Variants in HERC1 observed in about 807,000 individuals in gnomAD.
HERC1 encodes the protein HECT and RLD domain containing E3 ubiquitin protein ligase family member 1.
Under a neutral mutation model 554.3 loss-of-function variants are expected in HERC1, and 160 were observed. That is an observed-to-expected ratio of 0.29 (90% CI 0.25 to 0.33). HERC1 has a LOEUF of 0.33. HERC1 is among the 10% of genes least tolerant of loss of function. The pLI is 1.00. For synonymous variants in HERC1, 2,175 were observed against 2,131.7 expected, an observed-to-expected ratio of 1.02 and a Z score of -0.56; for missense variants, 4,919 against 5,918.5, an observed-to-expected ratio of 0.83 and a Z score of 5.54.
At chr15:63,778,095 T>C (rs990102321) in intron 1 of HERC1, among the ~76,000 whole-genome samples, 5 of 152,178 alleles carry the variant, frequency 3.3e-5, no homozygotes, top group Non-Finnish European at 7.4e-5. Context: ...ACCACACCTG[T>C]AGCATAACTT....
chr15:63,680,177 G>T lies in HERC1; in HGVS notation c.6466-17C>A. On this transcript the variant is annotated splice_polypyrimidine_tract_variant and intron_variant, in intron 35 of 77. Transcript: ENST00000443617. This position sits in a 1 kb window ranked among gnomAD's most constrained non-coding sequence, Gnocchi z 5.8. The stretch of plus-strand genomic sequence containing the variant: ...TTTGGGTTCCTACAGTGTGGCAGCA[G>T]TGAGGAAAAGAAAAAGGAAATAGAA... The T allele has an allele frequency of 6.3e-7, 1 of 1,589,662 alleles. No individual in the cohort carries two copies. The highest frequency in any genetic ancestry group is 8.6e-7 in the Non-Finnish European group (1 of 1,162,012).
At chr15:63,723,764 C>A (rs1320002058) in intron 18 of HERC1, among the ~76,000 whole-genome samples, 1 of 152,056 alleles carries the variant, frequency 6.6e-6, no homozygotes, top group African/African-American at 2.4e-5. Flanking sequence ...ATTGAAAATG[C>A]GACTAGACCT....
chr15:63,768,938 T>C lies in HERC1; in HGVS notation c.931-4747A>G, dbSNP rs1406523937. ...TATTATTTTGCATTATGTATATATA[T>C]ATTGAGAAAGAAGAGAAAATACTGG... On this transcript the variant is annotated intron_variant, in intron 2 of 77. Transcript: ENST00000443617. Among the ~76,000 whole-genome samples, 3 of 152,194 alleles carry C rather than the reference T, an allele frequency of 2.0e-5. 1 individual carries two copies. Among genetic ancestry groups the C allele is most frequent in the South Asian group, 4.1e-4 (2 of 4,824 alleles).
At chr15:63,802,207 T>C (rs1350721993) in intron 1 of HERC1, among the ~76,000 whole-genome samples, 1 of 152,214 alleles carries the variant, frequency 6.6e-6, no homozygotes, top group Non-Finnish European at 1.5e-5. Flanking sequence ...GAATGATTGA[T>C]GTTGGTACTC....
rs1446236519 is a variant in HERC1, at chr15:63,712,850, T to C, written c.4509A>G (p.Pro1503=). Residue 1503 remains proline, a synonymous_variant, in exon 24 of 78, where the codon CCA becomes CCG. Transcript: ENST00000443617. ...TCCTCGATTTGATCAGTCTATAATT[T>C]GGGCTTGTGTGGACTAGCCGGCTCT... ...TAESRLVHTS[P]NYRLIKSRSE... The C allele has an allele frequency of 1.2e-6, 2 of 1,613,616 alleles. No individual in the cohort carries two copies. Among genetic ancestry groups the C allele is most frequent in the East Asian group, 2.2e-5 (1 of 44,876 alleles).
intron 64 of HERC1, chr15:63,636,951 A>C: frequency 6.2e-6 from 2 of 323,384 alleles, no homozygotes; most frequent in Non-Finnish European, 6.1e-6. Flanking sequence ...GCTTCTAGGA[A>C]CTTGTTTTGA....
At chr15:63,795,666 C>T (rs1406082945) in intron 1 of HERC1, among the ~76,000 whole-genome samples, 2 of 152,144 alleles carry the variant, frequency 1.3e-5, no homozygotes, top group Non-Finnish European at 2.9e-5. Flanking sequence ...CTCAGCAAGG[C>T]CATTTTTATA....
intron 1 of HERC1, among the ~76,000 whole-genome samples, chr15:63,829,511 C>CAT (rs199643850): frequency 1.8e-5 from 2 of 109,482 alleles, no homozygotes; most frequent in Admixed American, 2.0e-4. Context: ...CACACACACA[C>CAT]ATATATAAAT....
intron 77 of HERC1, 70 bp from the exon 78 acceptor site, chr15:63,609,336 G>A: frequency 7.5e-7 from 1 of 1,335,288 alleles, no homozygotes; most frequent in South Asian, 1.5e-5. Context: ...GGCTGCCCAT[G>A]ACCTCTCCCT....
At chr15:63,817,713 T>G (rs1376493516) in intron 1 of HERC1, among the ~76,000 whole-genome samples, 1 of 152,080 alleles carries the variant, frequency 6.6e-6, no homozygotes, top group Admixed American at 6.5e-5. Context: ...AGACTCTGTC[T>G]CAAATAATAA....
chr15:63,641,251 G>A (rs570461111), intron 60 of HERC1, among the ~76,000 whole-genome samples: 1 of 152,276 alleles, frequency 6.6e-6, no homozygotes, highest in East Asian at 1.9e-4. Flanking sequence ...CAAACTTGGT[G>A]TTTGTTTCTT....
chr15:63,766,479 T>G (rs1023659184), intron 2 of HERC1, among the ~76,000 whole-genome samples: 7 of 152,118 alleles, frequency 4.6e-5, no homozygotes, highest in Non-Finnish European at 1.0e-4. Context: ...TCCTAGATAC[T>G]TGAGAGGCTG....
chr15:63,716,507 A>T (rs1337554468), intron 21 of HERC1, 34 bp from the exon 22 acceptor site: 2 of 1,504,436 alleles, frequency 1.3e-6, no homozygotes, highest in Admixed American at 2.4e-5. Context: ...CACTAAATAC[A>T]TTTTTTCCAA....
At chr15:63,826,759 T>C (rs1478249515) in intron 1 of HERC1, among the ~76,000 whole-genome samples, 1 of 121,734 alleles carries the variant, frequency 8.2e-6, no homozygotes, top group Non-Finnish European at 1.6e-5. Flanking sequence ...GAATGACTAC[T>C]ATTCTTTTAA....
At chr15:63,609,561 C>T (rs1000094607) in intron 77 of HERC1, among the ~76,000 whole-genome samples, 3 of 152,176 alleles carry the variant, frequency 2.0e-5, no homozygotes, top group African/African-American at 7.2e-5. Flanking sequence ...CTACGCACAG[C>T]GCCTGGCACA....
chr15:63,811,388 A>C (rs1169824798), intron 1 of HERC1, among the ~76,000 whole-genome samples: 2 of 152,192 alleles, frequency 1.3e-5, no homozygotes. Context: ...AAAATGTTGC[A>C]ATTTGTGAAT....
intron 1 of HERC1, among the ~76,000 whole-genome samples, chr15:63,776,078 C>A (rs1185271342): frequency 1.3e-5 from 2 of 151,668 alleles, no homozygotes; most frequent in African/African-American, 2.4e-5. Flanking sequence ...ACAGTAATTT[C>A]TTCAGATGTA....
At chr15:63,747,950 G>A in intron 10 of HERC1, 92 bp from the exon 11 acceptor site, 1 of 1,267,806 alleles carries the variant, frequency 7.9e-7, no homozygotes, top group Non-Finnish European at 1.1e-6. Context: ...TATTGGCTGG[G>A]CACGGTGGCT....
rs190250339 is a variant in HERC1, at chr15:63,815,731, T to C, written c.-27+18096A>G. ...TGTTCAAATCCTCTAACCTAACATGTTAGTCCGGTCTCATGCTGCTGTGAA... is the reference window on the plus strand; with the variant it reads ...TGTTCAAATCCTCTAACCTAACATGCTAGTCCGGTCTCATGCTGCTGTGAA... On this transcript the variant is annotated intron_variant, in intron 1 of 77. Coordinates refer to ENST00000443617, the MANE Select transcript of HERC1 (RefSeq NM_003922.4). Among the ~76,000 whole-genome samples the C allele has an allele frequency of 2.0e-5, 3 of 152,298 alleles. No individual in the cohort carries two copies. In the East Asian group the frequency reaches 5.8e-4, roughly 29 times the overall value.
Sources: allele counts gnomAD v4.1 joint callset (sites outside exome capture counted in the v4.1 genomes callset), GRCh38; gene constraint gnomAD v4.1.1; non-coding constraint Gnocchi (gnomAD v3.1); transcripts MANE v1.5; gene names NCBI Gene and HGNC (gene_info 2026-07-23, HGNC 2026-07-21).